NDFIP1: variants seen among roughly 807,000 people sequenced by gnomAD.
NDFIP1 encodes the protein Nedd4 family interacting protein 1.
NDFIP1 carries 7 observed loss-of-function variants against 28.8 expected under a neutral mutation model. The observed-to-expected ratio is 0.24, with a 90% CI of 0.14 to 0.46. The LOEUF (loss-of-function observed/expected upper bound fraction) is 0.46. Ranked by LOEUF, NDFIP1 falls within the 20% of genes least tolerant of loss-of-function variation. NDFIP1 has a pLI of 0.99. For synonymous variants in NDFIP1, 92 were observed against 101.0 expected, an observed-to-expected ratio of 0.91 and a Z score of 0.53; for missense variants, 194 against 269.1, an observed-to-expected ratio of 0.72 and a Z score of 1.95.
intron 1 of NDFIP1, among the ~76,000 whole-genome samples, chr5:142,115,084 T>G (rs1161076081): frequency 6.6e-6 from 1 of 152,222 alleles, no homozygotes; most frequent in Non-Finnish European, 1.5e-5. Context: ...ATTTCATAAT[T>G]TTATGGTAGA....
chr5:142,115,653 A>G (rs749435998), intron 1 of NDFIP1, among the ~76,000 whole-genome samples: 2 of 152,142 alleles, frequency 1.3e-5, no homozygotes, highest in African/African-American at 4.8e-5. Flanking sequence ...CATACTGAAA[A>G]TTGGCATGAT....
chr5:142,150,732 AAAAG>A (rs1202797206), intron 7 of NDFIP1, among the ~76,000 whole-genome samples: 5 of 150,868 alleles, frequency 3.3e-5, no homozygotes, highest in Admixed American at 1.3e-4. Context: ...AAAAAAAAAA[AAAAG>A]AAAAGAAAAG....
rs1757458829 is a variant in NDFIP1, at chr5:142,152,610, G to T, written c.*882G>T. 6.6e-6 allele frequency: 1 copy of T among 150,566 alleles called. No homozygotes were observed. The highest frequency in any genetic ancestry group is 2.4e-5 in the African/African-American group (1 of 40,830). 9.3% of individuals were successfully genotyped at this position (150,566 alleles called of 1,614,324 possible). On this transcript the variant is annotated 3_prime_UTR_variant, in exon 8 of 8. Coordinates refer to ENST00000253814, the MANE Select transcript of NDFIP1 (RefSeq NM_030571.4). ...GAAAGAAGTAGCTTGGAACTTTTGA[G>T]ATGATCCCTAACATACTGTACTACT...
chr5:142,118,885 A>G lies in NDFIP1; in HGVS notation c.63+9848A>G, dbSNP rs1199444677. On this transcript the variant is annotated intron_variant, in intron 1 of 7. Coordinates refer to ENST00000253814, the MANE Select transcript of NDFIP1 (RefSeq NM_030571.4). ...TGGATTTTTTTTTAACCACTTCCAT[A>G]CTTTTTGGCACTAGGCTCATCTTAT... Among the ~76,000 whole-genome samples the G allele has an allele frequency of 2.6e-5, 4 of 151,856 alleles. No individual in the cohort carries two copies. The East Asian group carries it at 7.7e-4, about 29-fold the overall frequency.
At position 142,153,087 on chromosome 5, in the gene NDFIP1, C is replaced by T; in HGVS notation, c.*1359C>T. ...GACATAATTTTAGATAATTTATTTC[C>T]AGTGTTTTCTGCATGTTCTCATTTG... is the stretch of plus-strand genomic sequence containing the variant. On this transcript the variant is annotated 3_prime_UTR_variant, in exon 8 of 8. Transcript: ENST00000253814. The T allele has an allele frequency of 9.1e-6, 3 of 329,368 alleles. No individual in the cohort carries two copies. The highest frequency in any genetic ancestry group is 1.8e-5 in the Non-Finnish European group (3 of 166,788). 20.4% of individuals were successfully genotyped at this position (329,368 alleles called of 1,614,324 possible). A position where few individuals can be genotyped will look rare whatever the true frequency, so the allele number is the denominator to read the frequency against.
chr5:142,117,326 C>G (rs937790740), intron 1 of NDFIP1, among the ~76,000 whole-genome samples: 1 of 151,398 alleles, frequency 6.6e-6, no homozygotes, highest in African/African-American at 2.4e-5. Context: ...TCACTGCAAC[C>G]TCCGCCTCCT....
chr5:142,132,103 G>A (rs1424451003), intron 2 of NDFIP1, 109 bp from the exon 3 acceptor site: 5 of 1,309,086 alleles, frequency 3.8e-6, no homozygotes, highest in Admixed American at 4.9e-5. Flanking sequence ...CAATTGTTAT[G>A]TATGTACTCT....
In NDFIP1 at chr5:142,108,891, C is replaced by T; in HGVS notation, c.-84C>T. 4.1e-6 allele frequency: 5 copies of T among 1,234,480 alleles called. No individual in the cohort carries two copies. Among genetic ancestry groups the T allele is most frequent in the Non-Finnish European group, 5.2e-6 (5 of 958,832 alleles). 76.5% of individuals were successfully genotyped at this position (1,234,480 alleles called of 1,614,324 possible). ...CCCACCCAAGGCGCGTCCCCCTCGG[C>T]CTCCCAGCGCTCCCAAGCCGCAGCG... On this transcript the variant is annotated 5_prime_UTR_variant, in exon 1 of 8. Coordinates refer to ENST00000253814, the MANE Select transcript of NDFIP1 (RefSeq NM_030571.4).
chr5:142,113,465 A>G (rs1258784584), intron 1 of NDFIP1, among the ~76,000 whole-genome samples: 1 of 152,222 alleles, frequency 6.6e-6, no homozygotes, highest in Non-Finnish European at 1.5e-5. Context: ...CTTAAGTTAT[A>G]TGCTGTATTT....
intron 3 of NDFIP1, among the ~76,000 whole-genome samples, chr5:142,134,311 T>C (rs1596790292): frequency 1.3e-5 from 2 of 152,356 alleles, no homozygotes; most frequent in East Asian, 1.9e-4. Flanking sequence ...TATTAGATGT[T>C]ACTTCCATAT....
intron 1 of NDFIP1, among the ~76,000 whole-genome samples, chr5:142,111,703 T>G (rs1400126694): frequency 5.9e-5 from 9 of 152,244 alleles, no homozygotes; most frequent in Non-Finnish European, 1.3e-4. Context: ...CAGTTTTGTC[T>G]TTATGGTCTT....
At chr5:142,116,408 C>G (rs1054078477) in intron 1 of NDFIP1, among the ~76,000 whole-genome samples, 1 of 151,310 alleles carries the variant, frequency 6.6e-6, no homozygotes. Context: ...TTGCTCTGTT[C>G]CCCAGGCTGG....
At chr5:142,133,099 G>A (rs1335410287) in intron 3 of NDFIP1, among the ~76,000 whole-genome samples, 1 of 152,254 alleles carries the variant, frequency 6.6e-6, no homozygotes, top group Non-Finnish European at 1.5e-5. Context: ...AGTCTGGGCA[G>A]TGTGATGGCA....
At chr5:142,115,201 C>G (rs1757052521) in intron 1 of NDFIP1, among the ~76,000 whole-genome samples, 1 of 152,122 alleles carries the variant, frequency 6.6e-6, no homozygotes, top group Non-Finnish European at 1.5e-5. Flanking sequence ...GTTTTTAGGG[C>G]TTTAAAATAA....
chr5:142,145,863 G>A (rs576931361), intron 7 of NDFIP1, among the ~76,000 whole-genome samples: 22 of 152,266 alleles, frequency 1.4e-4, no homozygotes, highest in Middle Eastern at 3.4e-3. Flanking sequence ...TTCTGTACTC[G>A]CAGAGTGTCA....
intron 1 of NDFIP1, among the ~76,000 whole-genome samples, chr5:142,124,954 T>C (rs1430445012): frequency 6.6e-6 from 1 of 152,098 alleles, no homozygotes; most frequent in East Asian, 1.9e-4. Context: ...GCCTCCCAAG[T>C]AGCTGGGACT....
At position 142,153,031 on chromosome 5, in the gene NDFIP1, T is replaced by A. The variant is rs1285737933; in HGVS notation, c.*1303T>A. 1.8e-5 allele frequency: 6 copies of A among 339,060 alleles called. No homozygotes were observed. The highest frequency in any genetic ancestry group is 2.9e-5 in the Non-Finnish European group (5 of 172,944). The allele number at this position is 339,060 out of a possible 1,614,324, so 21.0% of individuals were successfully genotyped here. A position where few individuals can be genotyped will look rare whatever the true frequency, so the allele number is the denominator to read the frequency against. On this transcript the variant is annotated 3_prime_UTR_variant, in exon 8 of 8. Transcript: ENST00000253814. ...AGGAGTTGTAGAGATCTTAAATCATTCTGGAATTCCTAATTATGCTTCAAT... is the reference window on the plus strand; with the variant it reads ...AGGAGTTGTAGAGATCTTAAATCATACTGGAATTCCTAATTATGCTTCAAT...
chr5:142,149,351 T>C (rs1757422345), intron 7 of NDFIP1, among the ~76,000 whole-genome samples: 1 of 152,082 alleles, frequency 6.6e-6, no homozygotes, highest in African/African-American at 2.4e-5. Context: ...CAGTAGAATT[T>C]TTGCTAAACA....
chr5:142,142,940 A>ATATATATATATAT (rs1554092158), intron 6 of NDFIP1: 10 of 38,106 alleles, frequency 2.6e-4, no homozygotes, highest in Non-Finnish European at 3.5e-4. Context: ...AAAAAAAAAA[A>ATATATATATATAT]ATATATATAT....
Sources: gnomAD v4.1 joint callset for allele counts (sites outside exome capture counted in the v4.1 genomes callset) on GRCh38, gnomAD v4.1.1 for gene constraint, MANE v1.5 for transcripts, NCBI Gene and HGNC (gene_info 2026-07-23, HGNC 2026-07-21) for gene names.